Variants in SPMIP2 observed in about 807,000 individuals in gnomAD.
SPMIP2 encodes protein SPMIP2.
At chr4:158,958,327 G>A in the SPMIP2 span, among the ~76,000 whole-genome samples, 3 of 152,146 alleles carry the variant, frequency 2.0e-5, no homozygotes, top group Non-Finnish European at 2.9e-5. Context: ...ATGGGGTTTC[G>A]TCATGTTGCA....
chr4:158,896,066 A>G, the SPMIP2 span, among the ~76,000 whole-genome samples: 14 of 152,168 alleles, frequency 9.2e-5, no homozygotes, highest in African/African-American at 2.9e-4. Context: ...CACACCTACA[A>G]TCAATCGCAG....
chr4:159,075,625 A>G, the SPMIP2 span, among the ~76,000 whole-genome samples: 1 of 152,170 alleles, frequency 6.6e-6, no homozygotes. Flanking sequence ...ATCTGTGCCA[A>G]CAGCGTGTAG....
At chr4:159,023,753 T>A in the SPMIP2 span, among the ~76,000 whole-genome samples, 4 of 152,266 alleles carry the variant, frequency 2.6e-5, no homozygotes, top group South Asian at 8.3e-4. Context: ...AATTATGCAT[T>A]TGTGAGTTTT....
the SPMIP2 span, among the ~76,000 whole-genome samples, chr4:159,025,987 A>G: frequency 7.9e-5 from 12 of 152,324 alleles, no homozygotes; most frequent in Admixed American, 7.8e-4. Context: ...TAATTTTTTC[A>G]CATCCTGTTT....
chr4:158,977,625 T>TTTTTTTTTTTTTTTTTTC, the SPMIP2 span, among the ~76,000 whole-genome samples: 2 of 104,340 alleles, frequency 1.9e-5, no homozygotes, highest in Non-Finnish European at 1.9e-5. Flanking sequence ...TTTTTTTTTT[T>TTTTTTTTTTTTTTTTTTC]TCTCTTTGAG....
chr4:158,897,016 GCCCCGGTGTGTGATGTTCC>G, the SPMIP2 span, among the ~76,000 whole-genome samples: 1 of 151,732 alleles, frequency 6.6e-6, no homozygotes, highest in African/African-American at 2.4e-5. Context: ...CGCCAAATAG[GCCCCGGTGTGTGATGTTCC>G]CCTTCCTGTG....
At chr4:158,903,046 T>C in the SPMIP2 span, among the ~76,000 whole-genome samples, 1 of 152,200 alleles carries the variant, frequency 6.6e-6, no homozygotes, top group African/African-American at 2.4e-5. Flanking sequence ...AAAAAAACTC[T>C]TGCAGCTAGC....
the SPMIP2 span, among the ~76,000 whole-genome samples, chr4:158,973,547 AT>A: frequency 6.6e-6 from 1 of 152,020 alleles, no homozygotes; most frequent in Non-Finnish European, 1.5e-5. Context: ...GACGGGTAGA[AT>A]TTTTTTCCCC....
At chr4:158,907,206 G>A in the SPMIP2 span, 14 of 152,306 alleles carry the variant, frequency 9.2e-5, no homozygotes, top group Admixed American at 3.3e-4. Context: ...TTTTAGACAT[G>A]ACAATGAAAA....
the SPMIP2 span, among the ~76,000 whole-genome samples, chr4:159,046,601 C>CTTGCTCTG: frequency 6.6e-6 from 1 of 152,202 alleles, no homozygotes. Context: ...GAGACAGAGT[C>CTTGCTCTG]TTGCTCTGTT....
chr4:158,916,348 G>C, the SPMIP2 span, among the ~76,000 whole-genome samples: 1 of 152,214 alleles, frequency 6.6e-6, no homozygotes, highest in Admixed American at 6.5e-5. Flanking sequence ...CGTGAGGTTA[G>C]ACAAGAGAGG....
At chr4:159,053,004 T>G in the SPMIP2 span, among the ~76,000 whole-genome samples, 10 of 141,814 alleles carry the variant, frequency 7.1e-5, no homozygotes, top group African/African-American at 2.4e-4. Flanking sequence ...TCGCCCAGGC[T>G]GGAGTGCAGT....
the SPMIP2 span, among the ~76,000 whole-genome samples, chr4:158,946,545 T>C: frequency 6.6e-6 from 1 of 152,170 alleles, no homozygotes; most frequent in African/African-American, 2.4e-5. Context: ...TCTGCCACCA[T>C]GTAAGGTATG....
chr4:159,067,891 C>CA, the SPMIP2 span, among the ~76,000 whole-genome samples: 5 of 152,000 alleles, frequency 3.3e-5, no homozygotes, highest in African/African-American at 9.7e-5. Context: ...TTTATGCAGC[C>CA]AAAAAACACA....
the SPMIP2 span, among the ~76,000 whole-genome samples, chr4:158,948,656 C>G: frequency 1.3e-5 from 2 of 151,642 alleles, no homozygotes; most frequent in African/African-American, 4.8e-5. Flanking sequence ...GCTCTGTCAC[C>G]CAGGCTGGAG....
the SPMIP2 span, among the ~76,000 whole-genome samples, chr4:159,071,319 G>A: frequency 1.3e-5 from 2 of 152,140 alleles, no homozygotes; most frequent in African/African-American, 4.8e-5. Flanking sequence ...CTAAAAGGTG[G>A]CTGGTAGAAC....
the SPMIP2 span, among the ~76,000 whole-genome samples, chr4:158,991,584 G>A: frequency 4.6e-5 from 7 of 152,150 alleles, no homozygotes; most frequent in East Asian, 1.9e-4. Context: ...ATCACTCCCC[G>A]TGAAAATTGA....
At chr4:158,903,202 T>C in the SPMIP2 span, among the ~76,000 whole-genome samples, 1 of 152,076 alleles carries the variant, frequency 6.6e-6, no homozygotes, top group African/African-American at 2.4e-5. Context: ...GATATTGAGT[T>C]CCTCACGGCT....
At chr4:159,079,239 G>A in the SPMIP2 span, among the ~76,000 whole-genome samples, 2 of 152,102 alleles carry the variant, frequency 1.3e-5, no homozygotes, top group Admixed American at 1.3e-4. Context: ...ATGTTTTTTA[G>A]AGGTGTGGCC....
Sources: allele counts gnomAD v4.1 joint callset (sites outside exome capture counted in the v4.1 genomes callset), GRCh38; gene constraint gnomAD v4.1.1; transcripts MANE v1.5; gene names NCBI Gene and HGNC (gene_info 2026-07-23, HGNC 2026-07-21).